The following UNC79 variants were observed in gnomAD, a reference collection of about 807,000 sequenced individuals.
UNC79 encodes the protein protein unc-79 homolog.
Under a neutral mutation model 283.1 loss-of-function variants are expected in UNC79, and 37 were observed. The ratio of observed to expected loss-of-function variants is 0.13; its 90% CI spans 0.10 to 0.17. UNC79 has a LOEUF of 0.17. UNC79 is among the 10% of genes least tolerant of loss of function. The pLI is 1.00. For synonymous variants in UNC79, 1,107 were observed against 1,200.2 expected, an observed-to-expected ratio of 0.92 and a Z score of 1.61; for missense variants, 2,272 against 3,211.1, an observed-to-expected ratio of 0.71 and a Z score of 7.07.
At chr14:93,696,585 T>G (rs1215914439) in intron 47 of UNC79, among the ~76,000 whole-genome samples, 1 of 152,230 alleles carries the variant, frequency 6.6e-6, no homozygotes, top group Non-Finnish European at 1.5e-5. Flanking sequence ...TAAGCATCTT[T>G]TCATGTACTT....
intron 1 of UNC79, chr14:93,464,457 A>G: frequency 2.2e-6 from 1 of 452,212 alleles, no homozygotes; most frequent in South Asian, 1.6e-5. Context: ...AGATTGGATT[A>G]GGGTCCACCA....
intron 22 of UNC79, among the ~76,000 whole-genome samples, chr14:93,591,499 A>AG (rs1338456082): frequency 6.6e-6 from 1 of 152,260 alleles, no homozygotes; most frequent in Non-Finnish European, 1.5e-5. Context: ...CAATAAAGTA[A>AG]GCCAGAGAAA....
At chr14:93,546,619 T>G (rs1254310279) in intron 14 of UNC79, among the ~76,000 whole-genome samples, 1 of 152,180 alleles carries the variant, frequency 6.6e-6, no homozygotes, top group East Asian at 1.9e-4. Flanking sequence ...TATAGATAGC[T>G]TAGGAGAAAA....
exon 41 of UNC79, chr14:93,673,376 G>A (rs1297368192): frequency 6.2e-7 from 1 of 1,611,814 alleles, no homozygotes; most frequent in South Asian, 1.1e-5. Context: ...TACTTGTCTC[G>A]TAGTGTTGTT....
intron 14 of UNC79, among the ~76,000 whole-genome samples, chr14:93,565,357 C>T (rs915901393): frequency 6.6e-6 from 1 of 152,124 alleles, no homozygotes; most frequent in African/African-American, 2.4e-5. Flanking sequence ...TGACCTATGA[C>T]CCAGGGGGTT....
chr14:93,575,022 T>C, intron 16 of UNC79, 36 bp from the exon 17 acceptor site: 1 of 1,571,600 alleles, frequency 6.4e-7, no homozygotes, highest in South Asian at 1.2e-5. Context: ...AAAATTTACA[T>C]GTGTTTTTTG....
intron 39 of UNC79, among the ~76,000 whole-genome samples, chr14:93,660,431 G>C (rs1423883142): frequency 1.3e-5 from 2 of 148,522 alleles, no homozygotes; most frequent in Non-Finnish European, 3.0e-5. Flanking sequence ...TTGAATTCAG[G>C]CTTCTCTTTT....
Position 93,621,627 on chromosome 14 carries a change from T to A in UNC79, c.4394T>A (p.Ile1465Lys). Residue 1465 changes from isoleucine (I) to lysine (K), a missense_variant, in exon 30 of 49, where the codon ATA (isoleucine) becomes AAA (lysine). By Grantham distance (102) the Ile-to-Lys change is moderately radical. Transcript: ENST00000555664. This position sits in a 1 kb window ranked among gnomAD's most constrained non-coding sequence, Gnocchi z 4.8. ...CTTTTTCTGTTTTGATCAGGTGAAA[T>A]AGAACTGGCTGAATATAGAGAGACG... 1 of 1,551,876 alleles carries A rather than the reference T, an allele frequency of 6.4e-7. No individual in the cohort carries two copies. The highest frequency in any genetic ancestry group is 8.7e-7 in the Non-Finnish European group (1 of 1,153,324).
At chr14:93,599,147 A>T (rs537073983) in intron 24 of UNC79, among the ~76,000 whole-genome samples, 91 of 152,322 alleles carry the variant, frequency 6.0e-4, no homozygotes, top group Admixed American at 9.1e-4. Flanking sequence ...CATTCCTCAG[A>T]TAGCTACTGT....
chr14:93,664,658 G>A (rs756023261), intron 40 of UNC79, among the ~76,000 whole-genome samples: 55 of 152,278 alleles, frequency 3.6e-4, no homozygotes, highest in Non-Finnish European at 7.4e-4. Context: ...TGGGAACTGG[G>A]AGAAAGATTT....
chr14:93,387,642 T>A (rs530880094), intron 1 of UNC79, among the ~76,000 whole-genome samples: 2 of 152,338 alleles, frequency 1.3e-5, no homozygotes, highest in African/African-American at 2.4e-5. Flanking sequence ...TTTTAAGACT[T>A]ATTTTGTGAA....
intron 1 of UNC79, chr14:93,347,248 C>T (rs1028408927): frequency 6.3e-7 from 1 of 1,589,026 alleles, no homozygotes. Context: ...CCACGCCTGG[C>T]TTTGTCTCAC....
intron 1 of UNC79, among the ~76,000 whole-genome samples, chr14:93,371,138 C>G (rs1015720928): frequency 1.3e-5 from 2 of 152,084 alleles, no homozygotes; most frequent in Non-Finnish European, 2.9e-5. Context: ...CCCTGTAATC[C>G]CAGCACTTTG....
intron 26 of UNC79, among the ~76,000 whole-genome samples, chr14:93,609,675 G>A (rs2066156878): frequency 6.6e-6 from 1 of 152,130 alleles, no homozygotes; most frequent in Non-Finnish European, 1.5e-5. Context: ...TAGGCATTTA[G>A]TTTTGAAATG....
chr14:93,655,543 G>T (rs1376909919), intron 38 of UNC79, 136 bp downstream of exon 41: 1 of 1,040,220 alleles, frequency 9.6e-7, no homozygotes, highest in Non-Finnish European at 1.4e-6. Flanking sequence ...ATGGAGTGAG[G>T]ATGCTTATTT....
chr14:93,517,594 T>G (rs1235396353), intron 7 of UNC79, among the ~76,000 whole-genome samples: 1 of 152,000 alleles, frequency 6.6e-6, no homozygotes, highest in Non-Finnish European at 1.5e-5. Context: ...ATTATATGAT[T>G]TCTTCCCTTC....
chr14:93,431,077 C>A, intron 1 of UNC79, 26 bp downstream of exon 1: 1 of 697,448 alleles, frequency 1.4e-6, no homozygotes, highest in South Asian at 1.5e-5. Flanking sequence ...CCCGGCATTC[C>A]GGCCCGGCCT....
intron 14 of UNC79, among the ~76,000 whole-genome samples, chr14:93,545,444 A>G (rs2061550832): frequency 6.6e-6 from 1 of 152,202 alleles, no homozygotes; most frequent in Non-Finnish European, 1.5e-5. Flanking sequence ...CAGGCCAAGA[A>G]CTTGTCACCA....
chr14:93,436,773 A>G (rs953806962), intron 1 of UNC79, among the ~76,000 whole-genome samples: 68 of 152,006 alleles, frequency 4.5e-4, no homozygotes, highest in African/African-American at 1.6e-3. Flanking sequence ...TCTTATCAAT[A>G]CTCTTGCTTT....
Sources: gnomAD v4.1 joint callset for allele counts (sites outside exome capture counted in the v4.1 genomes callset) on GRCh38, gnomAD v4.1.1 for gene constraint, Gnocchi (gnomAD v3.1) non-coding constraint, MANE v1.5 for transcripts, NCBI Gene and HGNC (gene_info 2026-07-23, HGNC 2026-07-21) for gene names.